Variants in NOL9 observed in about 807,000 individuals in gnomAD.
The protein encoded by NOL9 is nucleolar protein 9, also known as polynucleotide 5'-hydroxyl-kinase NOL9.
In NOL9, 28 loss-of-function variants were observed where a neutral mutation model predicts 67.9. That is an observed-to-expected ratio of 0.41 (90% confidence interval 0.31 to 0.57). The LOEUF (loss-of-function observed/expected upper bound fraction) is 0.57, where lower values mean the gene tolerates loss of function less well. Among genes scored for constraint, NOL9 ranks in the 20% least tolerant of loss-of-function variants. The probability of loss-of-function intolerance (pLI) is 0.25; values close to 1 mark genes in which losing one functional copy is unlikely to be tolerated. For synonymous variants in NOL9, 356 were observed against 352.2 expected (o/e 1.01, Z -0.12); for missense variants, 777 against 897.0 (o/e 0.87, Z 1.71).
chr1:6,538,782 A>T (rs1639211573), intron 6 of NOL9, among the ~76,000 whole-genome samples: 1 of 152,194 alleles, frequency 6.6e-6, no homozygotes, highest in Non-Finnish European at 1.5e-5. Flanking sequence ...CAGGAGTTCG[A>T]GACCAGCCTG....
rs926423189 is a variant in NOL9, at chr1:6,522,714, T to C, written c.*3140A>G. The C allele has an allele frequency of 2.0e-5, 3 of 149,866 alleles. No individual in the cohort carries two copies. The highest frequency in any genetic ancestry group is 7.4e-5 in the African/African-American group (3 of 40,436). The allele number at this position is 149,866 out of a possible 1,614,324, so 9.3% of individuals were successfully genotyped here. A position where few individuals can be genotyped will look rare whatever the true frequency, so the allele number is the denominator to read the frequency against. On this transcript the variant is annotated 3_prime_UTR_variant, in exon 12 of 12. Transcript: ENST00000377705. Reference sequence around the variant, plus strand: ...GCCTGACCAACATGGTGAAACCCTGTCTCTACTAAAAATACAAAAATTAGC... The same window carrying C: ...GCCTGACCAACATGGTGAAACCCTGCCTCTACTAAAAATACAAAAATTAGC...
intron 1 of NOL9, among the ~76,000 whole-genome samples, chr1:6,552,289 G>C (rs1015629123): frequency 2.0e-5 from 3 of 152,162 alleles, no homozygotes; most frequent in African/African-American, 4.8e-5. Context: ...GAACTTAAAA[G>C]TGCTGGGATT....
At chr1:6,526,137 G>C in intron 11 of NOL9, 134 bp from the exon 12 acceptor site, 3 of 753,226 alleles carry the variant, frequency 4.0e-6, no homozygotes, top group Non-Finnish European at 6.7e-6. Context: ...TAAGGCATTT[G>C]ATCCCTTCCT....
At chr1:6,533,748 G>A (rs552909421) in intron 6 of NOL9, among the ~76,000 whole-genome samples, 1 of 152,296 alleles carries the variant, frequency 6.6e-6, no homozygotes, top group Non-Finnish European at 1.5e-5. Context: ...GGACATATCT[G>A]TAAACAAAAC....
intron 3 of NOL9, among the ~76,000 whole-genome samples, chr1:6,546,500 C>T (rs967604591): frequency 2.0e-5 from 3 of 152,184 alleles, no homozygotes; most frequent in Non-Finnish European, 2.9e-5. Context: ...CACACAGTGA[C>T]GACCTTGATT....
chr1:6,533,197 A>G, intron 7 of NOL9, 83 bp downstream of exon 7: 1 of 1,398,226 alleles, frequency 7.2e-7, no homozygotes, highest in African/African-American at 1.5e-5. Context: ...AAAACAAAAC[A>G]CTGGGCTTTA....
chr1:6,541,523 T>C (rs1193622679), intron 6 of NOL9, among the ~76,000 whole-genome samples: 5 of 152,190 alleles, frequency 3.3e-5, no homozygotes, highest in African/African-American at 4.8e-5. Context: ...TTAGTCTCGA[T>C]AGTTGTACAT....
chr1:6,544,749 A>C (rs1557791673), intron 5 of NOL9, 77 bp downstream of exon 5: 2 of 1,421,272 alleles, frequency 1.4e-6, no homozygotes, highest in East Asian at 2.3e-5. Flanking sequence ...GCCAAGAAGC[A>C]TTCCCTCCAA....
At position 6,524,748 on chromosome 1, in the gene NOL9, T is replaced by C. The variant is rs1293542492; in HGVS notation, c.*1106A>G. The C allele has an allele frequency of 6.6e-6, 1 of 152,118 alleles. No individual in the cohort carries two copies. The highest frequency in any genetic ancestry group is 1.5e-5 in the Non-Finnish European group (1 of 68,040). The allele number at this position is 152,118 out of a possible 1,614,324, so 9.4% of individuals were successfully genotyped here. ...GAAGAGGTTTTCCAGATTATTATTT[T>C]TTTTTTTTGAGATGGAGTCTTGCTC... On this transcript the variant is annotated 3_prime_UTR_variant, in exon 12 of 12. Transcript: ENST00000377705.
intron 10 of NOL9, among the ~76,000 whole-genome samples, chr1:6,527,387 C>A (rs1390246999): frequency 6.6e-6 from 1 of 152,098 alleles, no homozygotes; most frequent in Non-Finnish European, 1.5e-5. Flanking sequence ...GGTGGCTATG[C>A]CTGTAATCCC....
At chr1:6,533,560 G>C in intron 6 of NOL9, 119 bp from the exon 7 acceptor site, 1 of 684,400 alleles carries the variant, frequency 1.5e-6, no homozygotes, top group Non-Finnish European at 2.2e-6. Flanking sequence ...TAGGAAATCT[G>C]AGACCATCCT....
At chr1:6,550,207 A>G (rs1337670987) in intron 2 of NOL9, among the ~76,000 whole-genome samples, 189 bp downstream of exon 2, 1 of 151,926 alleles carries the variant, frequency 6.6e-6, no homozygotes, top group Non-Finnish European at 1.5e-5. Context: ...AATTTTTTGC[A>G]TTTTTAGTAG....
chr1:6,544,179 A>AG (rs1553183910), intron 5 of NOL9, among the ~76,000 whole-genome samples: 1 of 151,746 alleles, frequency 6.6e-6, no homozygotes, highest in Non-Finnish European at 1.5e-5. Context: ...GCTACGTGGG[A>AG]GGCTGAAGTG....
chr1:6,553,205 C>T (rs779637798), intron 1 of NOL9, among the ~76,000 whole-genome samples: 2 of 152,210 alleles, frequency 1.3e-5, no homozygotes, highest in Non-Finnish European at 2.9e-5. Flanking sequence ...CTGGTTCAGA[C>T]AGACTCTACC....
rs759063472 is a variant in NOL9, at chr1:6,545,223, T to C, written c.745-43A>G. On this transcript the variant is annotated intron_variant, in intron 3 of 11. Coordinates refer to ENST00000377705, the MANE Select transcript of NOL9 (RefSeq NM_024654.5). The stretch of plus-strand genomic sequence containing the variant: ...AACTTTAAGGTGAAAAAATGCATAT[T>C]TTTTTCTTCAGTACTAAATTAATCA... 1.7e-5 allele frequency: 27 copies of C among 1,581,270 alleles called. No individual in the cohort carries two copies. The East Asian group carries it at 5.1e-4, about 30-fold the overall frequency.
rs1638837225 is a variant in NOL9 at position 6,524,490 on chromosome 1, GCA to G, written c.*1362_*1363del. ...AGCACCAGGGAGAACGTGGAGAATGGCAGTCTGGTCACCAGCCGCCGGCACCC... is the reference window on the plus strand; with the variant it reads ...AGCACCAGGGAGAACGTGGAGAATGGGTCTGGTCACCAGCCGCCGGCACCC... On this transcript the variant is annotated 3_prime_UTR_variant, in exon 12 of 12. Coordinates refer to ENST00000377705, the MANE Select transcript of NOL9 (RefSeq NM_024654.5). 6.6e-6 allele frequency: 1 copy of G among 152,214 alleles called. No homozygotes were observed. Among genetic ancestry groups the G allele is most frequent in the African/African-American group, 2.4e-5 (1 of 41,412 alleles). The allele number at this position is 152,214 out of a possible 1,614,324, so 9.4% of individuals were successfully genotyped here.
At chr1:6,554,006 G>A in intron 1 of NOL9, 101 bp downstream of exon 1, 2 of 984,588 alleles carry the variant, frequency 2.0e-6, no homozygotes, top group Non-Finnish European at 2.9e-6. Context: ...CCAGAGAACA[G>A]GCCCGGGGGA....
In NOL9 at chr1:6,554,300, T is replaced by C. The variant is rs760133182; in HGVS notation, c.203A>G (p.Gln68Arg). The change falls in exon 1 of 12, where the codon CAG becomes CGG. Residue 68 changes from glutamine to arginine, a missense_variant. Gln to Arg is a conservative substitution (Grantham distance 43). Around this residue, in one of 2 missense-constraint regions of NOL9, gnomAD observed 364 missense variants for 344.4 expected, o/e 1.06. Coordinates refer to ENST00000377705, the MANE Select transcript of NOL9 (RefSeq NM_024654.5). ...CCGGGCCGCCGCCGCGCGCGACACC[T>C]GGCGGGCTCCCTCCCTCCAGTCCAC... ...SGVDWREGAR[Q>R]VSRAAAARRP... The C allele has an allele frequency of 1.8e-4, 265 of 1,476,420 alleles. No homozygotes were observed. Among genetic ancestry groups the C allele is most frequent in the South Asian group, 4.7e-4 (35 of 74,776 alleles). 91.5% of individuals were successfully genotyped at this position (1,476,420 alleles called of 1,614,324 possible).
chr1:6,533,190 A>G (rs1349667878), intron 7 of NOL9, 90 bp downstream of exon 7: 3 of 1,384,306 alleles, frequency 2.2e-6, no homozygotes, highest in East Asian at 2.4e-5. Context: ...AAAACAAAAA[A>G]CAAAACACTG....
Sources: allele counts gnomAD v4.1 joint callset (sites outside exome capture counted in the v4.1 genomes callset), GRCh38; gene constraint gnomAD v4.1.1; regional missense constraint gnomAD v4.1.1; transcripts MANE v1.5; gene names NCBI Gene and HGNC (gene_info 2026-07-23, HGNC 2026-07-21).